Variants in LAT2 observed in about 807,000 individuals in gnomAD.
The protein encoded by LAT2 is linker for activation of T-cells family member 2.
LAT2 carries 23 observed loss-of-function variants against 43.4 expected under a neutral mutation model. That is an observed-to-expected ratio of 0.53 (90% CI 0.38 to 0.75). The LOEUF is 0.75. LAT2 is among the 30% of genes least tolerant of loss of function. LAT2 has a pLI of 0.00. For synonymous variants in LAT2, 128 were observed against 123.2 expected, an observed-to-expected ratio of 1.04 and a Z score of -0.26; for missense variants, 284 against 310.2, an observed-to-expected ratio of 0.92 and a Z score of 0.64.
chr7:74,218,194 G>C (rs781888135), intron 4 of LAT2, among the ~76,000 whole-genome samples: 1 of 152,144 alleles, frequency 6.6e-6, no homozygotes, highest in African/African-American at 2.4e-5. Context: ...CTGTCACCTC[G>C]GTTGGGCTCA....
chr7:74,220,143 T>C lies in LAT2; in HGVS notation c.228-74T>C. On this transcript the variant is annotated intron_variant, in intron 6 of 13. Coordinates refer to ENST00000460943, the MANE Select transcript of LAT2 (RefSeq NM_032464.3). This position sits in a 1 kb window ranked among gnomAD's most constrained non-coding sequence, Gnocchi z 4.5. ...TCAGCTATGAAGGCCCCACAAGGGG[T>C]ATGGGGGGATGTGTCCTGGGGGGCC... 2 of 1,555,634 alleles carry C rather than the reference T, an allele frequency of 1.3e-6. No individual in the cohort carries two copies. The highest frequency in any genetic ancestry group is 2.4e-5 in the South Asian group (2 of 85,084).
chr7:74,219,887 T>TG lies in LAT2; in HGVS notation c.179-67dup, dbSNP rs1802198307. On this transcript the variant is annotated intron_variant, in intron 5 of 13. Transcript: ENST00000460943. ...CCTGAGACCGTGGCCAGGCCTGATG[T>TG]GGGGGGATGATGGGGTGAGGGGGCT... 3.1e-6 allele frequency: 5 copies of TG among 1,604,510 alleles called. No homozygotes were observed. In the East Asian group the frequency reaches 9.0e-5, roughly 29 times the overall value.
At chr7:74,223,179 T>C (rs1213076562) in intron 10 of LAT2, among the ~76,000 whole-genome samples, 2 of 152,016 alleles carry the variant, frequency 1.3e-5, no homozygotes, top group African/African-American at 2.4e-5. Context: ...CCCCGCAGAG[T>C]ACCCCCTCCA....
chr7:74,226,669 C>G (rs1224848951), intron 13 of LAT2, among the ~76,000 whole-genome samples: 1 of 151,976 alleles, frequency 6.6e-6, no homozygotes, highest in Non-Finnish European at 1.5e-5. Flanking sequence ...ACAACAACAA[C>G]AAGAAAACAG....
chr7:74,214,551 T>A (rs1425582106), intron 1 of LAT2, among the ~76,000 whole-genome samples: 1 of 3,658 alleles, frequency 2.7e-4, no homozygotes, highest in African/African-American at 1.6e-3. Flanking sequence ...TATATATATA[T>A]ATATGAAAAT....
At chr7:74,227,900 G>C (rs1303869502) in intron 13 of LAT2, among the ~76,000 whole-genome samples, 3 of 151,816 alleles carry the variant, frequency 2.0e-5, no homozygotes, top group Non-Finnish European at 2.9e-5. Flanking sequence ...AAGAGGCCAG[G>C]CGCAGTGGCT....
At chr7:74,214,269 AATATATATATAAAT>A (rs1801882009) in intron 1 of LAT2, among the ~76,000 whole-genome samples, 2 of 71,870 alleles carry the variant, frequency 2.8e-5, no homozygotes, top group East Asian at 3.8e-4. Flanking sequence ...TATATATGAA[AATATATATATAAAT>A]ATATATATGA....
chr7:74,215,877 A>G, intron 2 of LAT2, 70 bp from the exon 3 acceptor site: 1 of 1,065,692 alleles, frequency 9.4e-7, no homozygotes. Flanking sequence ...GGGCTGTCCG[A>G]GCACAGTGGG....
At chr7:74,225,005 C>T (rs1802435656) in intron 13 of LAT2, 1 of 355,040 alleles carries the variant, frequency 2.8e-6, no homozygotes, top group Admixed American at 4.4e-5. Flanking sequence ...GGTGGGTCTC[C>T]CAACTCCACT....
chr7:74,225,571 C>A (rs192770114), intron 13 of LAT2: 286 of 152,462 alleles, frequency 1.9e-3, no homozygotes, highest in South Asian at 3.7e-3. Flanking sequence ...TGCACCATCT[C>A]TTAGCACCCA....
rs1442449472 is a variant in LAT2 at position 74,214,251 on chromosome 7, T to TG, written c.-218-571_-218-570insG. ...GAAAATATATATGAAAATATATATA[T>TG]AAATATATATATATGAAAATATATA... On this transcript the variant is annotated intron_variant, in intron 1 of 13. Transcript: ENST00000460943. Among the ~76,000 whole-genome samples, 45 of 76,584 alleles carry TG rather than the reference T, an allele frequency of 5.9e-4. 1 individual carries two copies. The highest frequency in any genetic ancestry group is 8.5e-4 in the Admixed American group (4 of 4,722). 50.2% of individuals were successfully genotyped at this position (76,584 alleles called of 152,430 possible).
rs532609990 is a variant in LAT2 at position 74,220,517 on chromosome 7, G to A, written c.266-67G>A. 3.2e-5 allele frequency: 51 copies of A among 1,591,446 alleles called. 2 individuals are homozygous for A. The South Asian group carries it at 5.6e-4, about 18-fold the overall frequency. On this transcript the variant is annotated intron_variant, in intron 7 of 13. Coordinates refer to ENST00000460943, the MANE Select transcript of LAT2 (RefSeq NM_032464.3). The surrounding 1 kb of genome is among the most constrained non-coding windows in gnomAD (Gnocchi z 4.5). ...GAAATAGCTGGCCCTGCCTTGGGCT[G>A]CAGCACCCGAGCTGGGTGCAAAGCA...
chr7:74,220,027 G>C lies in LAT2; in HGVS notation c.227+19G>C, dbSNP rs1584219871. The C allele has an allele frequency of 1.2e-6, 2 of 1,612,830 alleles. No homozygotes were observed. Among genetic ancestry groups the C allele is most frequent in the South Asian group, 2.2e-5 (2 of 91,010 alleles). On this transcript the variant is annotated intron_variant, in intron 6 of 13. Coordinates refer to ENST00000460943, the MANE Select transcript of LAT2 (RefSeq NM_032464.3). The surrounding 1 kb of genome is among the most constrained non-coding windows in gnomAD (Gnocchi z 4.5). ...CCACAAGGTAGGTCACAGTCCCCCA[G>C]GAAGTGACAAGAATGAAAGTCCTGG...
At chr7:74,221,583 A>T (rs1802282105) in intron 9 of LAT2, 54 bp from the exon 10 acceptor site, 2 of 1,502,148 alleles carry the variant, frequency 1.3e-6, no homozygotes, top group African/African-American at 2.8e-5. Flanking sequence ...TGGAGCCCCC[A>T]ACCCGATCTC....
At chr7:74,214,333 A>AAT (rs375681833) in intron 1 of LAT2, among the ~76,000 whole-genome samples, 1 of 33,574 alleles carries the variant, frequency 3.0e-5, no homozygotes, top group Non-Finnish European at 4.9e-5. Context: ...TATATATATA[A>AAT]ATATATATAT....
At chr7:74,219,096 G>A (rs1802158041) in intron 4 of LAT2, among the ~76,000 whole-genome samples, 1 of 140,034 alleles carries the variant, frequency 7.1e-6, no homozygotes, top group Admixed American at 7.6e-5. Context: ...GACTGCAGTG[G>A]TGCAATCTCG....
chr7:74,223,355 T>C (rs1802361413), intron 10 of LAT2, among the ~76,000 whole-genome samples: 1 of 152,148 alleles, frequency 6.6e-6, no homozygotes, highest in South Asian at 2.1e-4. Context: ...CTGGGCGTGG[T>C]GGTGCATGCC....
chr7:74,214,791 A>T lies in LAT2; in HGVS notation c.-218-31A>T, dbSNP rs868916237. 2.7e-3 allele frequency: 215 copies of T among 79,308 alleles called. 2 individuals are homozygous for T. Among genetic ancestry groups the T allele is most frequent in the East Asian group, 0.017 (51 of 3,002 alleles). The allele number at this position is 79,308 out of a possible 1,614,324, so 4.9% of individuals were successfully genotyped here. A position where few individuals can be genotyped will look rare whatever the true frequency, so the allele number is the denominator to read the frequency against. On this transcript the variant is annotated intron_variant, in intron 1 of 13. Transcript: ENST00000460943. ...TATATATATAAATATATATATATATATTTTTTTTTTTTTTTGTATTTTTTT... is the reference window on the plus strand; with the variant it reads ...TATATATATAAATATATATATATATTTTTTTTTTTTTTTTTGTATTTTTTT...
At position 74,224,037 on chromosome 7, in the gene LAT2, A is replaced by C; in HGVS notation, c.468A>C (p.Ile156=). The C allele has an allele frequency of 1.2e-6, 2 of 1,614,016 alleles. No homozygotes were observed. Among genetic ancestry groups the C allele is most frequent in the Non-Finnish European group, 1.7e-6 (2 of 1,179,958 alleles). Residue 156 remains isoleucine, a synonymous_variant, in exon 12 of 14, where the codon ATA becomes ATC. Coordinates refer to ENST00000460943, the MANE Select transcript of LAT2 (RefSeq NM_032464.3). ...CTGCAGGTGCCCAGCAGGAGGGCAT[A>C]GGTGGCCTCTGCAGAGGGGACCTCA... is the stretch of plus-strand genomic sequence containing the variant. ...TTETGAQQEG[I]GGLCRGDLSL... is the part of the protein sequence containing the mutation.
Sources: gnomAD v4.1 joint callset for allele counts (sites outside exome capture counted in the v4.1 genomes callset) on GRCh38, gnomAD v4.1.1 for gene constraint, Gnocchi (gnomAD v3.1) non-coding constraint, MANE v1.5 for transcripts, NCBI Gene and HGNC (gene_info 2026-07-23, HGNC 2026-07-21) for gene names.